The following OSBPL11 variants were observed in gnomAD, a reference collection of about 807,000 sequenced individuals.
OSBPL11 encodes the protein oxysterol-binding protein-related protein 11.
In OSBPL11, 33 loss-of-function variants were observed where a neutral mutation model predicts 84.4. The ratio of observed to expected loss-of-function variants is 0.39; its 90% confidence interval spans 0.30 to 0.52. The LOEUF is 0.52. Ranked by LOEUF, OSBPL11 falls within the 20% of genes least tolerant of loss-of-function variation. OSBPL11 has a pLI of 0.72. For synonymous variants in OSBPL11, 276 were observed against 310.2 expected, an observed-to-expected ratio of 0.89 and a Z score of 1.16; for missense variants, 736 against 901.1, an observed-to-expected ratio of 0.82 and a Z score of 2.35.
intron 4 of OSBPL11, among the ~76,000 whole-genome samples, chr3:125,577,761 G>A (rs559169059): frequency 2.6e-5 from 4 of 152,038 alleles, no homozygotes; most frequent in African/African-American, 9.6e-5. Context: ...CTCGGGAGGC[G>A]GTGGTTGCAG....
rs769347422 is a variant in OSBPL11, at chr3:125,563,011, TCAA to T, written c.1014+684_1014+686del. On this transcript the variant is annotated intron_variant, in intron 7 of 12. Coordinates refer to ENST00000296220, the MANE Select transcript of OSBPL11 (RefSeq NM_022776.5). ...AAAACCCTCCAAACAATCTAGATAT[TCAA>T]CAATAGGGACATTAACTCAATAGAC... is the stretch of plus-strand genomic sequence containing the variant. 1.3e-4 allele frequency among the ~76,000 whole-genome samples: 20 copies of T among 152,090 alleles called. 1 individual carries two copies. In the South Asian group the frequency reaches 2.5e-3, roughly 19 times the overall value.
In OSBPL11 at chr3:125,594,760, T is replaced by TC; in HGVS notation, c.40dup (p.Glu14GlyfsTer27). ...CTGGCCCTCCAGCTTTCCTTCGCTC[T>TC]CCGAGACTTTCATTGTGGACACTGG... On this transcript the variant is annotated frameshift_variant, in exon 1 of 13. Transcript: ENST00000296220. LOFTEE classifies it high-confidence loss of function. 6.2e-7 allele frequency: 1 copy of TC among 1,614,214 alleles called. No individual in the cohort carries two copies. The highest frequency in any genetic ancestry group is 8.5e-7 in the Non-Finnish European group (1 of 1,180,024).
intron 8 of OSBPL11, among the ~76,000 whole-genome samples, chr3:125,553,926 AAC>A (rs1935953185): frequency 6.6e-6 from 1 of 152,228 alleles, no homozygotes; most frequent in Admixed American, 6.5e-5. Context: ...AAGTAGACAA[AAC>A]ACAACAAAAT....
Position 125,567,559 on chromosome 3 carries a change from T to C in OSBPL11, c.703A>G (p.Ile235Val). 1 of 1,614,192 alleles carries C rather than the reference T, an allele frequency of 6.2e-7. No homozygotes were observed. The highest frequency in any genetic ancestry group is 1.3e-5 in the African/African-American group (1 of 75,070). Reference sequence around the variant, plus strand: ...GTAGGAAGGCATTCAATTCGTCTAATTAAGTCTCTTTGTTGTCCTTCAGCA... The same window carrying C: ...GTAGGAAGGCATTCAATTCGTCTAACTAAGTCTCTTTGTTGTCCTTCAGCA... ...SHAEGQQRDLIRRIECLPTSG... is the reference protein window; with the variant it reads ...SHAEGQQRDLVRRIECLPTSG... Residue 235 changes from isoleucine (I) to valine (V), a missense_variant, in exon 6 of 13, where the codon ATT becomes GTT. This residue lies in a region of OSBPL11 where 579 missense variants were observed against 717.6 expected (regional missense o/e 0.81). Coordinates refer to ENST00000296220, the MANE Select transcript of OSBPL11 (RefSeq NM_022776.5).
intron 1 of OSBPL11, among the ~76,000 whole-genome samples, chr3:125,594,293 T>C (rs908054201): frequency 6.6e-6 from 1 of 152,226 alleles, no homozygotes; most frequent in Non-Finnish European, 1.5e-5. Flanking sequence ...GTTCCTGCCC[T>C]CGCAGTCTAT....
At chr3:125,560,825 A>T (rs1193061961) in intron 7 of OSBPL11, among the ~76,000 whole-genome samples, 1 of 152,164 alleles carries the variant, frequency 6.6e-6, no homozygotes, top group Non-Finnish European at 1.5e-5. Context: ...CAGCCTCCAG[A>T]GTCGCTGGGA....
At chr3:125,531,504 T>C (rs935701585) in intron 12 of OSBPL11, among the ~76,000 whole-genome samples, 6 of 151,720 alleles carry the variant, frequency 4.0e-5, no homozygotes, top group African/African-American at 1.5e-4. Context: ...TTGGTCAGGC[T>C]GGTCTCGAAC....
intron 8 of OSBPL11, among the ~76,000 whole-genome samples, chr3:125,558,449 G>T (rs1559840717): frequency 6.6e-6 from 1 of 152,076 alleles, no homozygotes; most frequent in East Asian, 1.9e-4. Context: ...AGCTTTATGG[G>T]TTTCTTTATT....
intron 10 of OSBPL11, among the ~76,000 whole-genome samples, chr3:125,543,119 G>A (rs1935757573): frequency 7.0e-6 from 1 of 143,546 alleles, no homozygotes; most frequent in African/African-American, 2.6e-5. Context: ...CCTGGGGCTA[G>A]TAAGATTTTT....
At chr3:125,534,951 G>GAAAAAAAAAAAAAAAAAAA (rs56164804) in intron 11 of OSBPL11, among the ~76,000 whole-genome samples, 3 of 64,640 alleles carry the variant, frequency 4.6e-5, no homozygotes, top group African/African-American at 7.5e-5. Flanking sequence ...TAAGAAATTA[G>GAAAAAAAAAAAAAAAAAAA]AAAAAAAAAA....
intron 5 of OSBPL11, among the ~76,000 whole-genome samples, chr3:125,571,071 C>A (rs1185260926): frequency 2.0e-5 from 3 of 152,100 alleles, no homozygotes; most frequent in Non-Finnish European, 4.4e-5. Flanking sequence ...GCAATATGGA[C>A]AATAGTGTCC....
intron 1 of OSBPL11, among the ~76,000 whole-genome samples, chr3:125,593,013 A>G (rs891375581): frequency 2.0e-4 from 31 of 152,220 alleles, no homozygotes; most frequent in Non-Finnish European, 2.4e-4. Flanking sequence ...AGACTTCATG[A>G]AAATTAAAAA....
chr3:125,531,828 T>C (rs748321850), intron 12 of OSBPL11, 33 bp downstream of exon 12: 4 of 1,572,400 alleles, frequency 2.5e-6, no homozygotes, highest in South Asian at 1.2e-5. Context: ...GCCAAGTAGA[T>C]ACATTTTTAT....
At chr3:125,561,534 T>C (rs772531374) in intron 7 of OSBPL11, among the ~76,000 whole-genome samples, 33 of 152,234 alleles carry the variant, frequency 2.2e-4, no homozygotes, top group South Asian at 2.1e-4. Flanking sequence ...GAAATGCACA[T>C]AATCTATTCA....
intron 1 of OSBPL11, among the ~76,000 whole-genome samples, chr3:125,585,131 T>C (rs1351298931): frequency 1.3e-5 from 2 of 151,938 alleles, no homozygotes; most frequent in Non-Finnish European, 2.9e-5. Context: ...CGTGTATCTC[T>C]TTTTTTTATT....
chr3:125,591,973 C>A (rs1201712709), intron 1 of OSBPL11, among the ~76,000 whole-genome samples: 1 of 152,024 alleles, frequency 6.6e-6, no homozygotes, highest in Non-Finnish European at 1.5e-5. Flanking sequence ...CCACACTCAA[C>A]CCTGGGAGAC....
intron 8 of OSBPL11, among the ~76,000 whole-genome samples, chr3:125,556,313 G>C (rs1935990777): frequency 6.6e-6 from 1 of 152,170 alleles, no homozygotes; most frequent in African/African-American, 2.4e-5. Flanking sequence ...GATCCCAAGT[G>C]TATCTGTATT....
chr3:125,552,133 G>T, intron 9 of OSBPL11, 48 bp downstream of exon 9: 1 of 917,566 alleles, frequency 1.1e-6, no homozygotes. Flanking sequence ...ATATATATAT[G>T]TGTGTGTGTA....
At chr3:125,580,510 G>A (rs1383882516) in intron 2 of OSBPL11, among the ~76,000 whole-genome samples, 6 of 50,520 alleles carry the variant, frequency 1.2e-4, no homozygotes, top group Non-Finnish European at 1.9e-4. Flanking sequence ...GCAAAACTCC[G>A]TCTCAAAAAA....
Sources: allele counts gnomAD v4.1 joint callset (sites outside exome capture counted in the v4.1 genomes callset), GRCh38; gene constraint gnomAD v4.1.1; regional missense constraint gnomAD v4.1.1; transcripts MANE v1.5; gene names NCBI Gene and HGNC (gene_info 2026-07-23, HGNC 2026-07-21).